Variants in DISC1 observed in about 807,000 individuals in gnomAD.
DISC1 encodes the protein DISC1 scaffold protein, also known as disrupted in schizophrenia 1 protein.
In DISC1, 57 loss-of-function variants were observed where a neutral mutation model predicts 84.5. That is an observed-to-expected ratio of 0.67 (90% CI 0.55 to 0.84). The LOEUF (loss-of-function observed/expected upper bound fraction) is 0.84, where lower values mean the gene tolerates loss of function less well. Among genes scored for constraint, DISC1 ranks in the 40% least tolerant of loss-of-function variants. DISC1 has a pLI of 0.00. For missense variants in DISC1, 1,000 were observed against 1,057.8 expected (o/e 0.95, Z 0.76); for synonymous variants, 411 against 415.2 (o/e 0.99, Z 0.12).
rs80299065 is a variant in DISC1 at position 231,750,780 on chromosome 1, G to T, written c.1268+704G>T. Among the ~76,000 whole-genome samples, 1,245 of 152,276 alleles carry T rather than the reference G, an allele frequency of 8.2e-3. 6 individuals carry two copies. Among genetic ancestry groups the T allele is most frequent in the Non-Finnish European group, 0.014 (922 of 68,026 alleles). On this transcript the variant is annotated intron_variant, in intron 4 of 12. Coordinates refer to ENST00000439617, the MANE Select transcript of DISC1 (RefSeq NM_018662.3). ...GTGTTCCCTTTCTCCCTAGGTAAAGGTCTGAGAGGGAACAGGTGTTTTATG... is the reference window on the plus strand; with the variant it reads ...GTGTTCCCTTTCTCCCTAGGTAAAGTTCTGAGAGGGAACAGGTGTTTTATG...
chr1:232,011,854 G>A (rs864752), intron 11 of DISC1, among the ~76,000 whole-genome samples: 74,546 of 152,036 alleles, frequency 0.49, 21,571 homozygotes, highest in African/African-American at 0.82. Context: ...TTGTCTCAGG[G>A]CTATCAAAAC....
At chr1:231,866,454 G>A (rs2085061066) in intron 9 of DISC1, 1 of 768,706 alleles carries the variant, frequency 1.3e-6, no homozygotes, top group South Asian at 1.4e-5. Context: ...ATGACCAACA[G>A]CTAACACTTA....
chr1:231,987,827 A>G (rs202144870), intron 10 of DISC1, among the ~76,000 whole-genome samples: 1 of 152,144 alleles, frequency 6.6e-6, no homozygotes, highest in Non-Finnish European at 1.5e-5. Context: ...ATTCAGATCA[A>G]TTTGCATCTA....
chr1:231,902,367 G>A (rs932469308), intron 9 of DISC1, among the ~76,000 whole-genome samples: 2 of 152,080 alleles, frequency 1.3e-5, no homozygotes, highest in African/African-American at 4.8e-5. Context: ...ATGGGAGGCC[G>A]AGGTGGGCAG....
chr1:231,685,673 G>A (rs1266801015), intron 1 of DISC1, among the ~76,000 whole-genome samples: 4 of 152,024 alleles, frequency 2.6e-5, no homozygotes, highest in African/African-American at 9.7e-5. Context: ...GGCTGGTCTC[G>A]AACTCCTGAC....
intron 3 of DISC1, among the ~76,000 whole-genome samples, chr1:231,738,250 C>T (rs1474293174): frequency 6.6e-6 from 1 of 152,230 alleles, no homozygotes; most frequent in Non-Finnish European, 1.5e-5. Context: ...TAATACAACA[C>T]TCTTCTCCAG....
chr1:231,768,503 A>AT (rs2076322035), intron 5 of DISC1, among the ~76,000 whole-genome samples: 1 of 152,112 alleles, frequency 6.6e-6, no homozygotes, highest in South Asian at 2.1e-4. Context: ...CTGGTTTTTG[A>AT]TTTTTAATAA....
At chr1:232,012,653 T>C (rs1363221595) in intron 11 of DISC1, among the ~76,000 whole-genome samples, 2 of 152,222 alleles carry the variant, frequency 1.3e-5, no homozygotes, top group African/African-American at 4.8e-5. Flanking sequence ...TGACTTCTTA[T>C]AGAGGTCCAC....
chr1:231,785,522 G>A (rs781137198), intron 6 of DISC1, among the ~76,000 whole-genome samples: 20 of 151,860 alleles, frequency 1.3e-4, no homozygotes, highest in South Asian at 6.3e-4. Context: ...TTGAACTCCC[G>A]CGCTCAAGTG....
At chr1:231,815,802 T>A (rs1330741930) in intron 8 of DISC1, among the ~76,000 whole-genome samples, 1 of 152,056 alleles carries the variant, frequency 6.6e-6, no homozygotes. Context: ...GACGAGTTTG[T>A]TTCTTTTTAT....
chr1:231,725,390 C>T (rs891436178), intron 3 of DISC1, among the ~76,000 whole-genome samples: 1 of 152,204 alleles, frequency 6.6e-6, no homozygotes, highest in Admixed American at 6.5e-5. Context: ...CCTTATTGCT[C>T]ATTAGCATAA....
chr1:231,909,589 A>G (rs1221197605), intron 9 of DISC1, among the ~76,000 whole-genome samples: 1 of 152,006 alleles, frequency 6.6e-6, no homozygotes, highest in Non-Finnish European at 1.5e-5. Context: ...TTTATTGAGG[A>G]TATTTTTGTC....
At chr1:231,974,702 G>A (rs1450491789) in intron 10 of DISC1, among the ~76,000 whole-genome samples, 1 of 152,154 alleles carries the variant, frequency 6.6e-6, no homozygotes, top group Non-Finnish European at 1.5e-5. Flanking sequence ...TGCTTTTTCT[G>A]CCAGTTTCTT....
chr1:231,877,084 A>C (rs1421713525), intron 9 of DISC1, among the ~76,000 whole-genome samples: 2 of 152,188 alleles, frequency 1.3e-5, no homozygotes, highest in African/African-American at 4.8e-5. Context: ...AGTCACAAGG[A>C]AATCTCCCCA....
intron 1 of DISC1, among the ~76,000 whole-genome samples, chr1:231,684,594 T>C (rs928726599): frequency 3.0e-4 from 46 of 152,162 alleles, no homozygotes; most frequent in Non-Finnish European, 7.3e-5. Flanking sequence ...CACGTCCTGT[T>C]CCCTGTTAAG....
chr1:231,886,796 T>C (rs140698487), intron 9 of DISC1, among the ~76,000 whole-genome samples: 131 of 140,874 alleles, frequency 9.3e-4, no homozygotes, highest in African/African-American at 3.5e-3. Context: ...TCTTTCTTTC[T>C]TTCTTTCTTT....
intron 9 of DISC1, among the ~76,000 whole-genome samples, chr1:231,916,257 G>A (rs760785428): frequency 6.6e-6 from 1 of 151,980 alleles, no homozygotes; most frequent in African/African-American, 2.4e-5. Flanking sequence ...TTTCCCTTAC[G>A]GTATTTGCAC....
rs1043932576 is a variant in DISC1, at chr1:231,698,100, A to C, written c.1047+3295A>C. Reference sequence around the variant, plus strand: ...AGAGTACAATGCTTATGGATCAATAATACATATTAAATAAGATGTTTTTAA... The same window carrying C: ...AGAGTACAATGCTTATGGATCAATACTACATATTAAATAAGATGTTTTTAA... On this transcript the variant is annotated intron_variant, in intron 2 of 12. Coordinates refer to ENST00000439617, the MANE Select transcript of DISC1 (RefSeq NM_018662.3). This position sits in a 1 kb window ranked among gnomAD's most constrained non-coding sequence, Gnocchi z 4.9. Among the ~76,000 whole-genome samples, 6 of 152,186 alleles carry C rather than the reference A, an allele frequency of 3.9e-5. No homozygotes were observed. The highest frequency in any genetic ancestry group is 1.4e-4 in the African/African-American group (6 of 41,432).
intron 10 of DISC1, among the ~76,000 whole-genome samples, chr1:231,969,198 T>G (rs989667682): frequency 8.1e-5 from 12 of 148,330 alleles, no homozygotes; most frequent in Admixed American, 6.7e-5. Context: ...TTTTTTTTTT[T>G]TTTTTTTTTT....
Sources: allele counts gnomAD v4.1 joint callset (sites outside exome capture counted in the v4.1 genomes callset), GRCh38; gene constraint gnomAD v4.1.1; non-coding constraint Gnocchi (gnomAD v3.1); transcripts MANE v1.5; gene names NCBI Gene and HGNC (gene_info 2026-07-23, HGNC 2026-07-21).